The following ZNF708 variants were observed in gnomAD, a reference collection of about 807,000 sequenced individuals.
ZNF708 encodes the protein zinc finger protein 708.
Under a neutral mutation model 47.0 loss-of-function variants are expected in ZNF708, and 44 were observed. The ratio of observed to expected loss-of-function variants is 0.94; its 90% confidence interval spans 0.74 to 1.20. The LOEUF is 1.20. Among genes scored for constraint, ZNF708 ranks in the 50% most tolerant of loss-of-function variants. The pLI, the probability that ZNF708 is intolerant of heterozygous loss-of-function variation, is 0.00. For synonymous variants in ZNF708, 184 were observed against 218.5 expected, an observed-to-expected ratio of 0.84 and a Z score of 1.39; for missense variants, 557 against 656.0, an observed-to-expected ratio of 0.85 and a Z score of 1.65.
At chr19:21,319,474 A>G (rs1393717320) in intron 1 of ZNF708, among the ~76,000 whole-genome samples, 1 of 148,638 alleles carries the variant, frequency 6.7e-6, no homozygotes, top group Admixed American at 6.7e-5. Context: ...ATTTTTTGAG[A>G]TGGAGTTTTG....
intron 1 of ZNF708, 104 bp downstream of exon 1, chr19:21,329,106 G>C (rs986490943): frequency 2.0e-6 from 3 of 1,523,340 alleles, no homozygotes; most frequent in African/African-American, 2.7e-5. Context: ...TCGGAGCGCA[G>C]ATTGTGGAGA....
intron 3 of ZNF708, among the ~76,000 whole-genome samples, chr19:21,299,679 A>G (rs1455496863): frequency 6.6e-6 from 1 of 151,638 alleles, no homozygotes; most frequent in African/African-American, 2.4e-5. Flanking sequence ...AGGCTGAGTC[A>G]AAATAATTCC....
Position 21,293,625 on chromosome 19 carries a change from G to A in ZNF708, c.1341C>T (p.Pro447=), listed in dbSNP as rs1202452813. Residue 447 remains proline, a synonymous_variant, in exon 4 of 4, where the codon CCC becomes CCT. Coordinates refer to ENST00000356929, the MANE Select transcript of ZNF708 (RefSeq NM_021269.3). ...KHKVIHTEDK[P]YKCEECGKTF... ...TTTTGCCACATTCTTCACATTTGTAGGGTTTGTCTTCAGTATGAATTACTT... is the reference window on the plus strand; with the variant it reads ...TTTTGCCACATTCTTCACATTTGTAAGGTTTGTCTTCAGTATGAATTACTT... The A allele has an allele frequency of 1.2e-6, 2 of 1,612,188 alleles. No individual in the cohort carries two copies. The highest frequency in any genetic ancestry group is 1.7e-6 in the Non-Finnish European group (2 of 1,179,654).
At chr19:21,312,025 T>C (rs968119392) in intron 1 of ZNF708, among the ~76,000 whole-genome samples, 2 of 152,126 alleles carry the variant, frequency 1.3e-5, no homozygotes, top group Non-Finnish European at 2.9e-5. Context: ...CCAGGTGCGG[T>C]GGCTCAAGCC....
chr19:21,293,147 T>G lies in ZNF708; in HGVS notation c.*127A>C. On this transcript the variant is annotated 3_prime_UTR_variant, in exon 4 of 4. Coordinates refer to ENST00000356929, the MANE Select transcript of ZNF708 (RefSeq NM_021269.3). ...GTTTCTCTCTAGTATGAATTATCTT[T>G]TGTTTCATAAGGATTAAGAGCCAGT... The G allele has an allele frequency of 4.7e-6, 5 of 1,072,342 alleles. No homozygotes were observed. Among genetic ancestry groups the G allele is most frequent in the Non-Finnish European group, 6.7e-6 (5 of 742,998 alleles). The allele number at this position is 1,072,342 out of a possible 1,614,324, so 66.4% of individuals were successfully genotyped here.
At chr19:21,296,542 T>G (rs1229353512) in intron 3 of ZNF708, among the ~76,000 whole-genome samples, 1 of 151,856 alleles carries the variant, frequency 6.6e-6, no homozygotes, top group East Asian at 1.9e-4. Context: ...ACTGTCCAAC[T>G]GAATAAAAAG....
At chr19:21,307,172 A>C (rs62107467) in intron 3 of ZNF708, among the ~76,000 whole-genome samples, 6,489 of 126,434 alleles carry the variant, frequency 0.051, 193 homozygotes, top group Non-Finnish European at 0.08. Flanking sequence ...AAATAAAATA[A>C]AATAAAATAC....
chr19:21,299,576 C>G (rs149929954), intron 3 of ZNF708, among the ~76,000 whole-genome samples: 210 of 151,636 alleles, frequency 1.4e-3, no homozygotes, highest in African/African-American at 4.9e-3. Context: ...CATGGTGAAA[C>G]CCCATCTCTA....
chr19:21,294,840 A>T, intron 3 of ZNF708, 101 bp from the exon 4 acceptor site: 1 of 1,105,594 alleles, frequency 9.0e-7, no homozygotes, highest in South Asian at 1.7e-5. Flanking sequence ...GACATAGCAA[A>T]ATACTACAGA....
chr19:21,321,932 G>A lies in ZNF708; in HGVS notation c.3+7278C>T, dbSNP rs117871699. On this transcript the variant is annotated intron_variant, in intron 1 of 3. Coordinates refer to ENST00000356929, the MANE Select transcript of ZNF708 (RefSeq NM_021269.3). Reference sequence around the variant, plus strand: ...GATAAGGGAGAGTGCAATATAGATGGAAGGACTGGTTTGTGCCTGGGTGGG... The same window carrying A: ...GATAAGGGAGAGTGCAATATAGATGAAAGGACTGGTTTGTGCCTGGGTGGG... 7.7e-3 allele frequency among the ~76,000 whole-genome samples: 1,176 copies of A among 152,188 alleles called. 27 individuals are homozygous for A. Among genetic ancestry groups the A allele is most frequent in the Non-Finnish European group, 5.8e-3 (394 of 68,018 alleles).
At chr19:21,326,642 T>A (rs115295210) in intron 1 of ZNF708, among the ~76,000 whole-genome samples, 2,031 of 152,256 alleles carry the variant, frequency 0.013, 52 homozygotes, top group African/African-American at 0.046. Flanking sequence ...CAAAATCTCA[T>A]AAAATAGGCT....
At position 21,329,402 on chromosome 19, in the gene ZNF708, T is replaced by A; in HGVS notation, c.-190A>T. The A allele has an allele frequency of 1.3e-6, 1 of 790,322 alleles. No homozygotes were observed. Among genetic ancestry groups the A allele is most frequent in the Non-Finnish European group, 2.0e-6 (1 of 495,712 alleles). 49.0% of individuals were successfully genotyped at this position (790,322 alleles called of 1,614,324 possible). ...AGCCGCCCTGTCCGGTCCAGCTGCG[T>A]GTCTGAGTGAACTGTCCCCAGCTCA... On this transcript the variant is annotated 5_prime_UTR_variant, in exon 1 of 4. Transcript: ENST00000356929.
chr19:21,323,731 G>T lies in ZNF708; in HGVS notation c.3+5479C>A, dbSNP rs369367838. Among the ~76,000 whole-genome samples the T allele has an allele frequency of 9.2e-5, 14 of 152,170 alleles. No individual in the cohort carries two copies. In the East Asian group the frequency reaches 2.7e-3, roughly 29 times the overall value. On this transcript the variant is annotated intron_variant, in intron 1 of 3. Transcript: ENST00000356929. ...TTAACATCAACTGCATCCACCTGTGGGTCCCCAGCTTTCCAGGGCTCTGTA... is the reference window on the plus strand; with the variant it reads ...TTAACATCAACTGCATCCACCTGTGTGTCCCCAGCTTTCCAGGGCTCTGTA...
intron 1 of ZNF708, among the ~76,000 whole-genome samples, chr19:21,323,706 T>C (rs1325305153): frequency 2.0e-5 from 3 of 152,172 alleles, no homozygotes; most frequent in African/African-American, 7.2e-5. Context: ...CCCTTTCATT[T>C]TAACATCAAC....
At chr19:21,310,254 G>A (rs1374300976) in intron 2 of ZNF708, among the ~76,000 whole-genome samples, 2 of 151,846 alleles carry the variant, frequency 1.3e-5, no homozygotes, top group Non-Finnish European at 2.9e-5. Flanking sequence ...AGATCAGCCT[G>A]ACCAACATGG....
In ZNF708 at chr19:21,292,362, A is replaced by G. The variant is rs1972413271; in HGVS notation, c.*912T>C. 6.6e-6 allele frequency: 1 copy of G among 152,196 alleles called. No homozygotes were observed. The highest frequency in any genetic ancestry group is 2.4e-5 in the African/African-American group (1 of 41,442). The allele number at this position is 152,196 out of a possible 1,614,324, so 9.4% of individuals were successfully genotyped here. ...AGATATTTCCACTGTGAATTCTCTGATATTTACATAGACTTATTTTGGATT... is the reference window on the plus strand; with the variant it reads ...AGATATTTCCACTGTGAATTCTCTGGTATTTACATAGACTTATTTTGGATT... On this transcript the variant is annotated 3_prime_UTR_variant, in exon 4 of 4. Coordinates refer to ENST00000356929, the MANE Select transcript of ZNF708 (RefSeq NM_021269.3).
chr19:21,322,583 G>A (rs972567736), intron 1 of ZNF708, among the ~76,000 whole-genome samples: 14 of 152,126 alleles, frequency 9.2e-5, no homozygotes, highest in African/African-American at 3.1e-4. Flanking sequence ...GATTACAGGC[G>A]TGAGCCACGG....
intron 1 of ZNF708, among the ~76,000 whole-genome samples, chr19:21,312,726 A>G (rs1191191675): frequency 7.0e-6 from 1 of 143,366 alleles, no homozygotes; most frequent in East Asian, 2.0e-4. Flanking sequence ...ACCCCTGTCA[A>G]TGTTAATGTT....
chr19:21,293,644 A>G lies in ZNF708; in HGVS notation c.1322T>C (p.Ile441Thr), dbSNP rs1381075236. 4 of 1,612,212 alleles carry G rather than the reference A, an allele frequency of 2.5e-6. No homozygotes were observed. Among genetic ancestry groups the G allele is most frequent in the Non-Finnish European group, 2.5e-6 (3 of 1,179,628 alleles). Residue 441 changes from isoleucine to threonine, a missense_variant, in exon 4 of 4, where the codon ATT becomes ACT. By Grantham distance (89) the Ile-to-Thr change is moderately conservative (BLOSUM62 -1). Transcript: ENST00000356929. Reference sequence around the variant, plus strand: ...TTTGTAGGGTTTGTCTTCAGTATGAATTACTTTATGTTTAGTAAGGATTGA... The same window carrying G: ...TTTGTAGGGTTTGTCTTCAGTATGAGTTACTTTATGTTTAGTAAGGATTGA... ...IFSILTKHKV[I>T]HTEDKPYKCE...
Sources: gnomAD v4.1 joint callset for allele counts (sites outside exome capture counted in the v4.1 genomes callset) on GRCh38, gnomAD v4.1.1 for gene constraint, MANE v1.5 for transcripts, NCBI Gene and HGNC (gene_info 2026-07-23, HGNC 2026-07-21) for gene names.